SHROOM2: variants seen among roughly 807,000 people sequenced by gnomAD.
SHROOM2 encodes protein Shroom2.
SHROOM2 carries 33 observed loss-of-function variants against 75.9 expected under a neutral mutation model. That is an observed-to-expected ratio of 0.43 (90% CI 0.33 to 0.58). The LOEUF (loss-of-function observed/expected upper bound fraction) is 0.58. Among genes scored for constraint, SHROOM2 ranks in the 20% least tolerant of loss-of-function variants. The probability of loss-of-function intolerance (pLI) is 0.04; values close to 1 mark genes in which losing one functional copy is unlikely to be tolerated. For synonymous variants in SHROOM2, 655 were observed against 663.6 expected, an observed-to-expected ratio of 0.99 and a Z score of 0.20; for missense variants, 1,434 against 1,461.2, an observed-to-expected ratio of 0.98 and a Z score of 0.30.
At chrX:9,884,181 G>A (rs2147006674) in intron 2 of SHROOM2, among the ~76,000 whole-genome samples, 1 of 110,504 alleles carries the variant, frequency 9.0e-6, no homozygotes, top group Admixed American at 9.6e-5. Context: ...TCAGACCGTA[G>A]GCTCCCAGCA....
intron 2 of SHROOM2, among the ~76,000 whole-genome samples, chrX:9,877,456 C>T (rs2084207109): frequency 1.8e-5 from 2 of 111,499 alleles, no homozygotes; most frequent in African/African-American, 6.5e-5. Context: ...TCTCTTTCTT[C>T]CCAGGCGGTT....
At chrX:9,862,126 G>T (rs769078017) in intron 1 of SHROOM2, among the ~76,000 whole-genome samples, 3 of 111,724 alleles carry the variant, frequency 2.7e-5, no homozygotes. Context: ...TTTACATTAC[G>T]GCTCTTTGTG....
intron 1 of SHROOM2, among the ~76,000 whole-genome samples, chrX:9,849,612 G>T (rs1469540680): frequency 9.0e-6 from 1 of 111,431 alleles, no homozygotes; most frequent in Non-Finnish European, 1.9e-5. Flanking sequence ...GTCTTTATTT[G>T]CTCCTGGATC....
Position 9,895,169 on chromosome X carries a change from C to G in SHROOM2, c.1261C>G (p.Gln421Glu). The G allele has an allele frequency of 8.3e-7, 1 of 1,211,941 alleles. No homozygotes were observed. The highest frequency in any genetic ancestry group is 1.8e-5 in the South Asian group (1 of 57,008). ...GTCCAGCTCAGATGTGCGCTTCCCT[C>G]AGTCTCCTCATAGCGGCCGACACCC... ...SLSSSDVRFP[Q>E]SPHSGRHPPL... Residue 421 changes from glutamine to glutamate, a missense_variant, in exon 4 of 10, where the codon CAG (glutamine) becomes GAG (glutamate). Physicochemically the swap from Gln to Glu is conservative, Grantham distance 29. Coordinates refer to ENST00000380913, the MANE Select transcript of SHROOM2 (RefSeq NM_001649.4).
chrX:9,908,944 A>AAAATAAATAAATAAATAAATAAATAAAT (rs57235803), intron 5 of SHROOM2, among the ~76,000 whole-genome samples: 19 of 102,994 alleles, frequency 1.8e-4, no homozygotes, highest in East Asian at 6.8e-4. Context: ...CCCTCTCTCA[A>AAAATAAATAAATAAATAAATAAATAAAT]AAATAAATAA....
At position 9,940,723 on chromosome X, in the gene SHROOM2, C is replaced by T. The variant is rs5934720; in HGVS notation, c.4311+1357C>T. ...CCTGCAACGCGTGCACAGGCGGAGG[C>T]GTGTTCAGGGAGGAAGCGAGCATAG... On this transcript the variant is annotated intron_variant, in intron 8 of 9. Coordinates refer to ENST00000380913, the MANE Select transcript of SHROOM2 (RefSeq NM_001649.4). Among the ~76,000 whole-genome samples, 272 of 112,521 alleles carry T rather than the reference C, an allele frequency of 2.4e-3. 1 individual carries two copies. The highest frequency in any genetic ancestry group is 3.1e-3 in the Non-Finnish European group (163 of 53,330).
At chrX:9,913,540 G>A (rs1198500344) in intron 5 of SHROOM2, among the ~76,000 whole-genome samples, 1 of 112,373 alleles carries the variant, frequency 8.9e-6, no homozygotes, top group Non-Finnish European at 1.9e-5. Context: ...TTTACTAAAG[G>A]AGGCTTTTGT....
At chrX:9,832,717 C>T (rs1007933233) in intron 1 of SHROOM2, among the ~76,000 whole-genome samples, 3 of 102,726 alleles carry the variant, frequency 2.9e-5, no homozygotes, top group African/African-American at 7.3e-5. Flanking sequence ...TTGTTGAACA[C>T]TAACGTGTGT....
At chrX:9,824,915 C>T (rs2083880331) in intron 1 of SHROOM2, among the ~76,000 whole-genome samples, 1 of 111,433 alleles carries the variant, frequency 9.0e-6, no homozygotes, top group Non-Finnish European at 1.9e-5. Flanking sequence ...GACACTTGGG[C>T]GGCTTTCTCC....
intron 1 of SHROOM2, among the ~76,000 whole-genome samples, chrX:9,788,344 CACTT>C (rs1410115652): frequency 1.8e-5 from 2 of 111,008 alleles, no homozygotes; most frequent in African/African-American, 6.6e-5. Flanking sequence ...CTGTACAACT[CACTT>C]GCTATTTAGC....
intron 1 of SHROOM2, among the ~76,000 whole-genome samples, chrX:9,855,293 A>C (rs1381338000): frequency 2.7e-5 from 2 of 72,731 alleles, no homozygotes; most frequent in African/African-American, 7.2e-5. Flanking sequence ...CTTAAAGTAT[A>C]GTAAAAAAAA....
At chrX:9,829,511 A>G (rs1332901701) in intron 1 of SHROOM2, among the ~76,000 whole-genome samples, 1 of 111,943 alleles carries the variant, frequency 8.9e-6, no homozygotes, top group African/African-American at 3.2e-5. Flanking sequence ...ATGATGCCCA[A>G]TCATGATGGG....
intron 2 of SHROOM2, among the ~76,000 whole-genome samples, chrX:9,875,110 A>AAAAAAAAAAAAAAAG (rs2084192753): frequency 1.1e-4 from 10 of 93,122 alleles, no homozygotes; most frequent in Non-Finnish European, 1.3e-4. Context: ...AAAAAAAAAA[A>AAAAAAAAAAAAAAAG]GGGGAGGAAG....
chrX:9,885,950 C>CA (rs35651225), intron 2 of SHROOM2, among the ~76,000 whole-genome samples: 1,172 of 47,908 alleles, frequency 0.024, 18 homozygotes, highest in African/African-American at 0.046. Context: ...GAGAGCCTGT[C>CA]AAAAAAAAAA....
intron 1 of SHROOM2, among the ~76,000 whole-genome samples, chrX:9,842,298 T>TA (rs2083983382): frequency 8.9e-6 from 1 of 112,548 alleles, no homozygotes; most frequent in Non-Finnish European, 1.9e-5. Context: ...AAATTTTATT[T>TA]AAAAAAATAG....
intron 5 of SHROOM2, among the ~76,000 whole-genome samples, chrX:9,921,454 AC>A (rs748999878): frequency 7.3e-4 from 73 of 99,560 alleles, no homozygotes; most frequent in African/African-American, 2.5e-3. Flanking sequence ...CACCCTGTCA[AC>A]CCTCTTTTTT....
intron 1 of SHROOM2, among the ~76,000 whole-genome samples, chrX:9,831,387 G>A (rs2083915183): frequency 8.9e-6 from 1 of 112,175 alleles, no homozygotes; most frequent in African/African-American, 3.2e-5. Flanking sequence ...ACCAGTTGAC[G>A]GTGGCTCACG....
intron 1 of SHROOM2, among the ~76,000 whole-genome samples, chrX:9,811,048 T>C (rs2083789095): frequency 1.8e-5 from 2 of 111,899 alleles, no homozygotes; most frequent in African/African-American, 3.3e-5. Flanking sequence ...GGCAGAAGCA[T>C]CGCGTGCAGG....
chrX:9,808,583 T>C (rs909380384), intron 1 of SHROOM2, among the ~76,000 whole-genome samples: 10 of 110,057 alleles, frequency 9.1e-5, no homozygotes, highest in East Asian at 2.9e-4. Context: ...ATATAATGGT[T>C]GGGCGCAGTG....
Sources: gnomAD v4.1 joint callset for allele counts (sites outside exome capture counted in the v4.1 genomes callset) on GRCh38, gnomAD v4.1.1 for gene constraint, MANE v1.5 for transcripts, NCBI Gene and HGNC (gene_info 2026-07-23, HGNC 2026-07-21) for gene names.